The following ZBTB38 variants were observed in gnomAD, a reference collection of about 807,000 sequenced individuals.
ZBTB38 encodes zinc finger and BTB domain-containing protein 38.
ZBTB38 carries 20 observed loss-of-function variants against 76.8 expected under a neutral mutation model. That is an observed-to-expected ratio of 0.26 (90% CI 0.18 to 0.38). The LOEUF (loss-of-function observed/expected upper bound fraction) is 0.38. ZBTB38 is among the 10% of genes least tolerant of loss of function. ZBTB38 has a pLI of 1.00. For missense variants in ZBTB38, 1,082 were observed against 1,482.3 expected (o/e 0.73, Z 4.43); for synonymous variants, 504 against 544.2 (o/e 0.93, Z 1.03).
In ZBTB38 at chr3:141,442,826, A is replaced by G; in HGVS notation, c.438A>G (p.Glu146=). The G allele has an allele frequency of 6.2e-7, 1 of 1,614,252 alleles. No individual in the cohort carries two copies. Among genetic ancestry groups the G allele is most frequent in the Non-Finnish European group, 8.5e-7 (1 of 1,180,044 alleles). ...FCITEKGVVK[E]EKNEKRHEEP... is the part of the protein sequence containing the mutation. The stretch of plus-strand genomic sequence containing the variant: ...TTACTGAAAAGGGAGTGGTTAAAGA[A>G]GAAAAAAATGAAAAAAGGCATGAAG... Residue 146 remains glutamate (E), a synonymous_variant, in exon 6 of 6, where the codon GAA becomes GAG. Coordinates refer to ENST00000321464, the MANE Select transcript of ZBTB38 (RefSeq NM_001376113.1). This position sits in a 1 kb window ranked among gnomAD's most constrained non-coding sequence, Gnocchi z 6.4.
intron 1 of ZBTB38, among the ~76,000 whole-genome samples, chr3:141,359,751 C>T (rs572033307): frequency 2.6e-5 from 4 of 152,186 alleles, no homozygotes; most frequent in African/African-American, 7.2e-5. Flanking sequence ...GACAACACAG[C>T]AAGACCTCAT....
chr3:141,442,777 C>T lies in ZBTB38; in HGVS notation c.389C>T (p.Ser130Phe). 6.2e-7 allele frequency: 1 copy of T among 1,614,144 alleles called. No individual in the cohort carries two copies. The highest frequency in any genetic ancestry group is 8.5e-7 in the Non-Finnish European group (1 of 1,180,022). The change falls in exon 6 of 6, where the codon TCC becomes TTC. Residue 130 changes from serine to phenylalanine, a missense_variant. Ser to Phe is a radical substitution (Grantham distance 155, BLOSUM62 -2). Transcript: ENST00000321464. The surrounding 1 kb of genome is among the most constrained non-coding windows in gnomAD (Gnocchi z 6.4). The stretch of plus-strand genomic sequence containing the variant: ...CTTACTGATCGCAACTTCTCAAATT[C>T]CCCGGGTCCCTATGTATTCTGTATT... Reference protein sequence around the residue: ...EDLTDRNFSNSPGPYVFCITE... With the variant: ...EDLTDRNFSNFPGPYVFCITE...
chr3:141,349,847 TG>T (rs940796437), intron 1 of ZBTB38, among the ~76,000 whole-genome samples: 57 of 152,218 alleles, frequency 3.7e-4, no homozygotes, highest in Middle Eastern at 3.4e-3. Flanking sequence ...TTGGCACCCC[TG>T]AGAAATTTGA....
At chr3:141,406,990 A>C (rs373432549) in intron 5 of ZBTB38, among the ~76,000 whole-genome samples, 4 of 152,348 alleles carry the variant, frequency 2.6e-5, no homozygotes, top group African/African-American at 9.6e-5. Flanking sequence ...AATCACTCTT[A>C]AATTTGTCCC....
rs535349406 is a variant in ZBTB38, at chr3:141,438,556, T to C, written c.1-3833T>C. On this transcript the variant is annotated intron_variant, in intron 5 of 5. Coordinates refer to ENST00000321464, the MANE Select transcript of ZBTB38 (RefSeq NM_001376113.1). ...CCACTTTATTAGCTGGGAAGTGGAG[T>C]CATCTGTTCTTCCCCAGGCTCTCAC... is the stretch of plus-strand genomic sequence containing the variant. Among the ~76,000 whole-genome samples the C allele has an allele frequency of 9.2e-5, 14 of 152,060 alleles. No homozygotes were observed. The South Asian group carries it at 1.5e-3, about 16-fold the overall frequency.
chr3:141,432,551 G>C (rs574423302), intron 5 of ZBTB38, among the ~76,000 whole-genome samples: 18 of 152,282 alleles, frequency 1.2e-4, no homozygotes, highest in African/African-American at 4.1e-4. Flanking sequence ...TAATGTCTTA[G>C]AGCTTTACTA....
chr3:141,442,358 TTATC>T lies in ZBTB38; in HGVS notation c.1-29_1-26del, dbSNP rs757366856. The T allele has an allele frequency of 4.6e-6, 7 of 1,532,550 alleles. No individual in the cohort carries two copies. Among genetic ancestry groups the T allele is most frequent in the Admixed American group, 1.9e-5 (1 of 52,930 alleles). 94.9% of individuals were successfully genotyped at this position (1,532,550 alleles called of 1,614,324 possible). On this transcript the variant is annotated intron_variant, in intron 5 of 5. Transcript: ENST00000321464. The surrounding 1 kb of genome is among the most constrained non-coding windows in gnomAD (Gnocchi z 6.4). Reference sequence around the variant, plus strand: ...AGATAAAGAAGCCACCTGTGGAAGATTATCTGACCATTTCTCTCCTCTTGTTTCA... The same window carrying T: ...AGATAAAGAAGCCACCTGTGGAAGATTGACCATTTCTCTCCTCTTGTTTCA...
intron 5 of ZBTB38, among the ~76,000 whole-genome samples, chr3:141,431,341 A>AAAAT: frequency 3.9e-5 from 4 of 103,296 alleles, no homozygotes; most frequent in African/African-American, 2.4e-4. Context: ...AAAAAAAAAA[A>AAAAT]ATATATATAT....
chr3:141,379,546 G>A (rs978127592), intron 2 of ZBTB38, among the ~76,000 whole-genome samples: 16 of 152,278 alleles, frequency 1.1e-4, no homozygotes, highest in South Asian at 4.1e-4. Flanking sequence ...CTCATTTCTC[G>A]GGCCTGGCTG....
chr3:141,417,514 C>T (rs74892122), intron 5 of ZBTB38, among the ~76,000 whole-genome samples: 4,466 of 152,248 alleles, frequency 0.029, 209 homozygotes, highest in African/African-American at 0.1. Context: ...CCCTAATTTC[C>T]AGTTAGTCGA....
Position 141,446,711 on chromosome 3 carries a change from A to G in ZBTB38, c.*735A>G, listed in dbSNP as rs2081123664. On this transcript the variant is annotated 3_prime_UTR_variant, in exon 6 of 6. Coordinates refer to ENST00000321464, the MANE Select transcript of ZBTB38 (RefSeq NM_001376113.1). ...GAAAGCATTTTGAATATGATTTAAGAGCATGTGAATGCTTTTAGATGGAAT... is the reference window on the plus strand; with the variant it reads ...GAAAGCATTTTGAATATGATTTAAGGGCATGTGAATGCTTTTAGATGGAAT... The G allele has an allele frequency of 6.6e-6, 1 of 152,662 alleles. No individual in the cohort carries two copies. The highest frequency in any genetic ancestry group is 1.5e-5 in the Non-Finnish European group (1 of 68,040). The allele number at this position is 152,662 out of a possible 1,614,324, so 9.5% of individuals were successfully genotyped here.
rs769623607 is a variant in ZBTB38 at position 141,444,661 on chromosome 3, A to C, written c.2273A>C (p.Lys758Thr). The C allele has an allele frequency of 6.2e-7, 1 of 1,614,168 alleles. No individual in the cohort carries two copies. The highest frequency in any genetic ancestry group is 1.1e-5 in the South Asian group (1 of 91,078). The change falls in exon 6 of 6, where the codon AAG (lysine) becomes ACG (threonine). Residue 758 changes from lysine (K) to threonine (T), a missense_variant. By Grantham distance (78) the Lys-to-Thr change is moderately conservative (BLOSUM62 -1). Transcript: ENST00000321464. The surrounding 1 kb of genome is among the most constrained non-coding windows in gnomAD (Gnocchi z 5.1). ...AGTCAGTCCCTGAAAGATGACAGTA[A>C]GCCCGAGCCAGATAAAGTGGGTAGG... ...AVSQSLKDDS[K>T]PEPDKVGRFA...
intron 1 of ZBTB38, among the ~76,000 whole-genome samples, chr3:141,352,690 A>T (rs1356801494): frequency 6.6e-6 from 1 of 152,080 alleles, no homozygotes; most frequent in Non-Finnish European, 1.5e-5. Context: ...GACGAGAGGG[A>T]TGGATGATCT....
chr3:141,398,736 AT>A (rs1191227052), intron 4 of ZBTB38, among the ~76,000 whole-genome samples: 8 of 152,262 alleles, frequency 5.3e-5, no homozygotes, highest in Admixed American at 4.6e-4. Context: ...TTTAAAATAT[AT>A]TTTTTAAATG....
At chr3:141,344,734 C>T (rs557401705) in intron 1 of ZBTB38, among the ~76,000 whole-genome samples, 2 of 152,328 alleles carry the variant, frequency 1.3e-5, no homozygotes, top group East Asian at 3.9e-4. Flanking sequence ...TCATGTCTCT[C>T]TCTCACTAAC....
At chr3:141,407,979 A>T (rs1369449917) in intron 5 of ZBTB38, among the ~76,000 whole-genome samples, 1 of 152,244 alleles carries the variant, frequency 6.6e-6, no homozygotes. Flanking sequence ...AGTACTGGGT[A>T]ACAAGCTGCC....
chr3:141,343,780 C>T (rs1943264180), intron 1 of ZBTB38, among the ~76,000 whole-genome samples: 2 of 152,180 alleles, frequency 1.3e-5, no homozygotes, highest in Admixed American at 6.5e-5. Flanking sequence ...AAATCTGCTT[C>T]GAACATCATA....
At chr3:141,416,306 G>A (rs912590783) in intron 5 of ZBTB38, among the ~76,000 whole-genome samples, 2 of 152,242 alleles carry the variant, frequency 1.3e-5, no homozygotes, top group Admixed American at 1.3e-4. Context: ...TTTGAGGGCA[G>A]CATGGCCTGG....
At position 141,444,675 on chromosome 3, in the gene ZBTB38, A is replaced by G; in HGVS notation, c.2287A>G (p.Lys763Glu). The change falls in exon 6 of 6, where the codon AAA becomes GAA. Residue 763 changes from lysine (K) to glutamate (E), a missense_variant. Transcript: ENST00000321464. The surrounding 1 kb of genome is among the most constrained non-coding windows in gnomAD (Gnocchi z 5.1). The stretch of plus-strand genomic sequence containing the variant: ...AGATGACAGTAAGCCCGAGCCAGAT[A>G]AAGTGGGTAGGTTTGCAAGCAGACC... ...LKDDSKPEPD[K>E]VGRFASRPKS... The G allele has an allele frequency of 6.2e-7, 1 of 1,614,180 alleles. No individual in the cohort carries two copies. The highest frequency in any genetic ancestry group is 1.7e-5 in the Admixed American group (1 of 60,010).
Sources: allele counts gnomAD v4.1 joint callset (sites outside exome capture counted in the v4.1 genomes callset), GRCh38; gene constraint gnomAD v4.1.1; non-coding constraint Gnocchi (gnomAD v3.1); transcripts MANE v1.5; gene names NCBI Gene and HGNC (gene_info 2026-07-23, HGNC 2026-07-21).